The following TENM2 variants were observed in gnomAD, a reference collection of about 807,000 sequenced individuals.
TENM2 encodes the protein teneurin transmembrane protein 2.
A neutral mutation model predicts 245.2 loss-of-function variants in TENM2; 52 were observed. The ratio of observed to expected loss-of-function variants is 0.21; its 90% confidence interval spans 0.17 to 0.27. The LOEUF (loss-of-function observed/expected upper bound fraction) is 0.27. Among genes scored for constraint, TENM2 ranks in the 10% least tolerant of loss-of-function variants. The pLI is 1.00. For synonymous variants in TENM2, 1,363 were observed against 1,438.9 expected (o/e 0.95, Z 1.19); for missense variants, 3,046 against 3,666.8 (o/e 0.83, Z 4.37).
At chr5:167,208,941 A>G in the TENM2 span, among the ~76,000 whole-genome samples, 12 of 152,322 alleles carry the variant, frequency 7.9e-5, no homozygotes, top group South Asian at 2.3e-3. Flanking sequence ...GATTTCTTTC[A>G]GCCTTGGATA....
At chr5:167,929,040 A>T (rs1033194951) in intron 3 of TENM2, among the ~76,000 whole-genome samples, 6 of 137,238 alleles carry the variant, frequency 4.4e-5, no homozygotes, top group Non-Finnish European at 7.8e-5. Context: ...AAAGAAAGAA[A>T]AGAAAAAAGA....
chr5:167,172,189 G>T, the TENM2 span, among the ~76,000 whole-genome samples: 1 of 152,276 alleles, frequency 6.6e-6, no homozygotes, highest in South Asian at 2.1e-4. Flanking sequence ...AGAGTCATAT[G>T]CAATACTGGG....
At position 168,166,945 on chromosome 5, in the gene TENM2, C is replaced by T. The variant is rs1460796797; in HGVS notation, c.2569+4188C>T. On this transcript the variant is annotated intron_variant, in intron 13 of 28. Coordinates refer to ENST00000518659, the Ensembl canonical transcript of TENM2. ...CTCCAGACACCCCCAGTCATGTGAC[C>T]GCCACTCATGTAACCTCAGGAAGCA... Among the ~76,000 whole-genome samples, 3 of 152,024 alleles carry T rather than the reference C, an allele frequency of 2.0e-5. No homozygotes were observed. The East Asian group carries it at 5.8e-4, about 29-fold the overall frequency.
chr5:167,878,414 G>A lies in TENM2; in HGVS notation c.712+2219G>A, dbSNP rs571187067. Among the ~76,000 whole-genome samples, 10 of 152,254 alleles carry A rather than the reference G, an allele frequency of 6.6e-5. No individual in the cohort carries two copies. In the South Asian group the frequency reaches 1.9e-3, roughly 28 times the overall value. On this transcript the variant is annotated intron_variant, in intron 3 of 28. Coordinates refer to ENST00000518659, the Ensembl canonical transcript of TENM2. ...GTGCTGATATGATTTCTTCAACTGA[G>A]GGAGTGAAGGCCCAATTGTGCAATA...
chr5:167,298,379 G>A (rs192905830), intron 1 of TENM2, among the ~76,000 whole-genome samples: 144 of 152,320 alleles, frequency 9.5e-4, no homozygotes, highest in African/African-American at 3.3e-3. Context: ...CGAGGGGGGC[G>A]GATCACGAGG....
intron 13 of TENM2, among the ~76,000 whole-genome samples, chr5:168,184,650 T>C (rs2132545): frequency 0.64 from 97,233 of 152,076 alleles, 32,331 homozygotes; most frequent in Admixed American, 0.78. Flanking sequence ...GATGCAAGAA[T>C]TCACACAGCC....
chr5:168,075,982 C>T (rs1268135999), intron 7 of TENM2, among the ~76,000 whole-genome samples: 1 of 152,084 alleles, frequency 6.6e-6, no homozygotes, highest in South Asian at 2.1e-4. Context: ...CCACCGTCTC[C>T]CTCCCACGAC....
At chr5:167,489,717 T>C (rs967553778) in intron 2 of TENM2, among the ~76,000 whole-genome samples, 14 of 152,214 alleles carry the variant, frequency 9.2e-5, no homozygotes, top group Non-Finnish European at 1.6e-4. Flanking sequence ...TCCTCAGTGC[T>C]AAGCACAGTA....
chr5:167,214,743 A>G, the TENM2 span, among the ~76,000 whole-genome samples: 1 of 152,192 alleles, frequency 6.6e-6, no homozygotes, highest in Non-Finnish European at 1.5e-5. Flanking sequence ...CAGAGGAGGA[A>G]GACTAAGGGA....
intron 2 of TENM2, among the ~76,000 whole-genome samples, chr5:167,870,706 CTATA>C (rs147198597): frequency 6.2e-5 from 9 of 144,692 alleles, no homozygotes; most frequent in African/African-American, 7.6e-5. Flanking sequence ...AAAGCAAGAT[CTATA>C]TATATATATA....
chr5:167,413,423 C>A (rs1763009699), intron 2 of TENM2, among the ~76,000 whole-genome samples: 1 of 152,246 alleles, frequency 6.6e-6, no homozygotes, highest in South Asian at 2.1e-4. Flanking sequence ...AAAGCCCATA[C>A]CACTGAGGAT....
At chr5:168,050,174 G>A (rs976647281) in intron 6 of TENM2, among the ~76,000 whole-genome samples, 8 of 152,158 alleles carry the variant, frequency 5.3e-5, no homozygotes, top group African/African-American at 1.9e-4. Flanking sequence ...AAAAAAGTGT[G>A]AGAATTTAAA....
intron 2 of TENM2, among the ~76,000 whole-genome samples, chr5:167,432,233 A>C (rs1372676310): frequency 1.3e-5 from 2 of 151,698 alleles, no homozygotes; most frequent in African/African-American, 4.9e-5. Flanking sequence ...ACTCGTATTT[A>C]AATCTGAATT....
At chr5:167,127,294 G>A in the TENM2 span, among the ~76,000 whole-genome samples, 1 of 152,088 alleles carries the variant, frequency 6.6e-6, no homozygotes, top group African/African-American at 2.4e-5. Flanking sequence ...GAGCTAGAAA[G>A]CAATTTAGAC....
At chr5:167,779,476 G>A (rs1219814848) in intron 2 of TENM2, among the ~76,000 whole-genome samples, 1 of 152,176 alleles carries the variant, frequency 6.6e-6, no homozygotes, top group African/African-American at 2.4e-5. Flanking sequence ...ACCATTCATT[G>A]TGAGATCCCA....
At chr5:167,438,215 C>A (rs892054942) in intron 2 of TENM2, among the ~76,000 whole-genome samples, 1 of 152,048 alleles carries the variant, frequency 6.6e-6, no homozygotes. Context: ...TACTTTTTTC[C>A]GCAAGGATCC....
the TENM2 span, among the ~76,000 whole-genome samples, chr5:167,042,825 T>G: frequency 6.6e-6 from 1 of 152,238 alleles, no homozygotes; most frequent in African/African-American, 2.4e-5. Context: ...TTTAGTCAGA[T>G]TCATCCTTAT....
chr5:167,183,736 C>A, the TENM2 span, among the ~76,000 whole-genome samples: 1 of 152,054 alleles, frequency 6.6e-6, no homozygotes, highest in South Asian at 2.1e-4. Context: ...CACATCCAAG[C>A]AAGCCAACTT....
the TENM2 span, among the ~76,000 whole-genome samples, chr5:167,263,073 A>T: frequency 6.6e-6 from 1 of 152,138 alleles, no homozygotes; most frequent in Admixed American, 6.6e-5. Context: ...CCACCTCTTA[A>T]TACCACTATC....
Sources: allele counts gnomAD v4.1 joint callset (sites outside exome capture counted in the v4.1 genomes callset), GRCh38; gene constraint gnomAD v4.1.1; transcripts MANE v1.5; gene names NCBI Gene and HGNC (gene_info 2026-07-23, HGNC 2026-07-21).